Variants in GLI4 observed in about 807,000 individuals in gnomAD.
GLI4 encodes the protein GLI family zinc finger 4, also known as zinc finger protein GLI4.
Under a neutral mutation model 30.9 loss-of-function variants are expected in GLI4, and 34 were observed. The ratio of observed to expected loss-of-function variants is 1.10; its 90% CI spans 0.84 to 1.47. The LOEUF is 1.47. GLI4 is among the 40% of genes most tolerant of loss of function. GLI4 has a pLI of 0.00. For synonymous variants in GLI4, 277 were observed against 236.7 expected, an observed-to-expected ratio of 1.17 and a Z score of -1.56; for missense variants, 696 against 538.9, an observed-to-expected ratio of 1.29 and a Z score of -2.89.
intron 1 of GLI4, chr8:143,268,114 A>T (rs1234690730): frequency 1.9e-5 from 19 of 983,512 alleles, no homozygotes; most frequent in Non-Finnish European, 2.2e-5. Flanking sequence ...TTAACTAAGT[A>T]ACTTGAGATG....
intron 3 of GLI4, chr8:143,275,638 C>T (rs1353967009): frequency 6.5e-6 from 8 of 1,234,250 alleles, no homozygotes; most frequent in Non-Finnish European, 5.0e-6. Context: ...TGCACCGGCA[C>T]GGCCGCCGTG....
chr8:143,274,307 G>T (rs1815335787), intron 2 of GLI4, among the ~76,000 whole-genome samples: 1 of 152,222 alleles, frequency 6.6e-6, no homozygotes, highest in African/African-American at 2.4e-5. Context: ...GTGGGAGCCT[G>T]CAGGGCCAGC....
chr8:143,267,852 G>C (rs1266281485), intron 1 of GLI4: 1 of 985,338 alleles, frequency 1.0e-6, no homozygotes, highest in African/African-American at 1.7e-5. Context: ...CGCACCGCCG[G>C]GCGGACGCGC....
chr8:143,275,078 T>C (rs1222889823), intron 3 of GLI4: 2 of 1,535,558 alleles, frequency 1.3e-6, no homozygotes, highest in East Asian at 2.4e-5. Context: ...ACACAGTGAA[T>C]CAGGAACTCC....
In GLI4 at chr8:143,276,445, C is replaced by T. The variant is rs146144006; in HGVS notation, c.772C>T (p.Leu258=). Residue 258 remains leucine, a synonymous_variant, in exon 4 of 4, where the codon CTG becomes TTG. Transcript: ENST00000340042. ...FSHSSHFTQH[L]RIHNGEKPYK... is the part of the protein sequence containing the mutation. ...CCACAGCTCGCACTTCACGCAGCAC[C>T]TGCGCATCCACAACGGCGAGAAGCC... 1.2e-4 allele frequency: 187 copies of T among 1,612,770 alleles called. No homozygotes were observed. Among genetic ancestry groups the T allele is most frequent in the Non-Finnish European group, 1.4e-4 (169 of 1,179,800 alleles).
In GLI4 at chr8:143,276,922, A is replaced by G. The variant is rs1049791329; in HGVS notation, c.*118A>G. 22 of 727,478 alleles carry G rather than the reference A, an allele frequency of 3.0e-5. No individual in the cohort carries two copies. The African/African-American group carries it at 3.0e-4, about 10-fold the overall frequency. The allele number at this position is 727,478 out of a possible 1,614,324, so 45.1% of individuals were successfully genotyped here. A position where few individuals can be genotyped will look rare whatever the true frequency, so the allele number is the denominator to read the frequency against. ...ACGTGTCCGGAATAAATTCTTTTTG[A>G]TTGTTGGAAGTGGGAGCCGGCACCT... On this transcript the variant is annotated 3_prime_UTR_variant, in exon 4 of 4. Transcript: ENST00000340042.
chr8:143,274,495 TGGA>T, intron 2 of GLI4: 1 of 397,458 alleles, frequency 2.5e-6, no homozygotes, highest in Non-Finnish European at 4.5e-6. Flanking sequence ...TGCTGGCCCC[TGGA>T]GGAGGAGGCT....
intron 2 of GLI4, among the ~76,000 whole-genome samples, chr8:143,269,997 T>C (rs1334295096): frequency 6.6e-6 from 1 of 152,196 alleles, no homozygotes. Flanking sequence ...CATGGCAGGC[T>C]CTGGGAGTTG....
intron 3 of GLI4, chr8:143,275,617 CTG>C: frequency 8.1e-7 from 1 of 1,236,998 alleles, no homozygotes; most frequent in Non-Finnish European, 1.0e-6. Context: ...TGTCTTGCCA[CTG>C]TGGCTCCGTG....
At chr8:143,272,627 C>T (rs1815294864) in intron 2 of GLI4, among the ~76,000 whole-genome samples, 1 of 152,190 alleles carries the variant, frequency 6.6e-6, no homozygotes, top group Admixed American at 6.5e-5. Context: ...TGGGTGTGCA[C>T]CCTGTGGAGA....
chr8:143,276,452 T>C lies in GLI4; in HGVS notation c.779T>C (p.Ile260Thr). 6.2e-7 allele frequency: 1 copy of C among 1,611,916 alleles called. No homozygotes were observed. Among genetic ancestry groups the C allele is most frequent in the Non-Finnish European group, 8.5e-7 (1 of 1,179,626 alleles). ...HSSHFTQHLR[I>T]HNGEKPYKCG... Reference sequence around the variant, plus strand: ...TCGCACTTCACGCAGCACCTGCGCATCCACAACGGCGAGAAGCCCTACAAG... The same window carrying C: ...TCGCACTTCACGCAGCACCTGCGCACCCACAACGGCGAGAAGCCCTACAAG... Residue 260 changes from isoleucine (I) to threonine (T), a missense_variant, in exon 4 of 4, where the codon ATC becomes ACC. Coordinates refer to ENST00000340042, the MANE Select transcript of GLI4 (RefSeq NM_138465.4).
intron 1 of GLI4, chr8:143,267,919 C>T (rs771035528): frequency 7.1e-5 from 70 of 985,322 alleles, no homozygotes; most frequent in Non-Finnish European, 8.1e-5. Context: ...AACAGAGGGG[C>T]AGAGGATGCT....
chr8:143,267,899 C>T (rs1815173682), intron 1 of GLI4: 12 of 985,290 alleles, frequency 1.2e-5, no homozygotes, highest in Middle Eastern at 5.2e-4. Flanking sequence ...TCCGCTCCCA[C>T]GGGGCTGGGA....
rs1312984236 is a variant in GLI4, at chr8:143,276,734, G to A, written c.1061G>A (p.Gly354Asp). Residue 354 changes from glycine to aspartate, a missense_variant, in exon 4 of 4, where the codon GGC becomes GAC. By Grantham distance (94) the Gly-to-Asp change is moderately conservative. Coordinates refer to ENST00000340042, the MANE Select transcript of GLI4 (RefSeq NM_138465.4). The stretch of plus-strand genomic sequence containing the variant: ...ACGGGCGAGAAGCCCTTCGCGTGTG[G>A]CGCCTGCGGCAAGGCCTTCGGCCAG... ...THTGEKPFACGACGKAFGQSS... is the reference protein window; with the variant it reads ...THTGEKPFACDACGKAFGQSS... The A allele has an allele frequency of 5.0e-6, 8 of 1,608,818 alleles. No homozygotes were observed. The East Asian group carries it at 1.1e-4, about 22-fold the overall frequency.
At chr8:143,275,735 T>C in intron 3 of GLI4, 162 bp from the exon 4 acceptor site, 1 of 1,238,854 alleles carries the variant, frequency 8.1e-7, no homozygotes, top group Non-Finnish European at 1.0e-6. Context: ...GGCACGGCAC[T>C]CCGAGCCCCT....
chr8:143,270,516 C>G (rs1815244942), intron 2 of GLI4, among the ~76,000 whole-genome samples: 1 of 152,198 alleles, frequency 6.6e-6, no homozygotes, highest in African/African-American at 2.4e-5. Flanking sequence ...CCTGGGCTGC[C>G]TGTCCTGGTG....
chr8:143,272,615 T>G (rs1453359743), intron 2 of GLI4: 1 of 152,196 alleles, frequency 6.6e-6, no homozygotes, highest in African/African-American at 2.4e-5. Context: ...GGGAGCAGGG[T>G]CTGGGTGTGC....
intron 1 of GLI4, 28 bp downstream of exon 1, chr8:143,267,512 C>T (rs2129653640): frequency 1.0e-6 from 1 of 986,426 alleles, no homozygotes; most frequent in Non-Finnish European, 1.2e-6. Flanking sequence ...GCGGCGGCGG[C>T]TCCGGGTGCC....
At chr8:143,275,810 A>G (rs1343755915) in intron 3 of GLI4, 87 bp from the exon 4 acceptor site, 16 of 1,247,678 alleles carry the variant, frequency 1.3e-5, no homozygotes, top group African/African-American at 1.6e-5. Context: ...CCCCCCGTCC[A>G]GCTCTGCTCT....
Sources: allele counts gnomAD v4.1 joint callset (sites outside exome capture counted in the v4.1 genomes callset), GRCh38; gene constraint gnomAD v4.1.1; transcripts MANE v1.5; gene names NCBI Gene and HGNC (gene_info 2026-07-23, HGNC 2026-07-21).